ZNF609: variants seen among roughly 807,000 people sequenced by gnomAD.
ZNF609 encodes zinc finger protein 609.
A neutral mutation model predicts 109.5 loss-of-function variants in ZNF609; 11 were observed. That is an observed-to-expected ratio of 0.10 (90% CI 0.06 to 0.17). ZNF609 has a LOEUF of 0.17. ZNF609 is among the 10% of genes least tolerant of loss of function. The pLI is 1.00. For synonymous variants in ZNF609, 646 were observed against 662.0 expected (o/e 0.98, Z 0.37); for missense variants, 1,559 against 1,772.4 (o/e 0.88, Z 2.16).
At chr15:64,542,128 C>T (rs1164584970) in intron 2 of ZNF609, among the ~76,000 whole-genome samples, 1 of 152,108 alleles carries the variant, frequency 6.6e-6, no homozygotes, top group African/African-American at 2.4e-5. Flanking sequence ...CTCTCACACA[C>T]ACACACACAG....
chr15:64,500,685 C>A, intron 2 of ZNF609: 1 of 477,882 alleles, frequency 2.1e-6, no homozygotes, highest in Non-Finnish European at 3.7e-6. Flanking sequence ...CTATTGCCGG[C>A]TACCAAAGAG....
chr15:64,676,384 G>T, intron 5 of ZNF609, 128 bp downstream of exon 5: 2 of 797,628 alleles, frequency 2.5e-6, no homozygotes, highest in South Asian at 2.8e-5. Context: ...ATAATTTTAA[G>T]GATTCTTTAC....
intron 2 of ZNF609, among the ~76,000 whole-genome samples, chr15:64,581,446 C>T (rs1029816932): frequency 2.0e-5 from 3 of 151,986 alleles, no homozygotes; most frequent in Non-Finnish European, 4.4e-5. Flanking sequence ...GTCAGGCAGC[C>T]ACAAAGTTAA....
chr15:64,511,630 G>T (rs569297044), intron 2 of ZNF609, among the ~76,000 whole-genome samples: 2 of 151,868 alleles, frequency 1.3e-5, no homozygotes, highest in Admixed American at 1.3e-4. Flanking sequence ...CTTAGGGTAC[G>T]TATCAGAGTC....
At chr15:64,593,452 G>A (rs1318587456) in intron 2 of ZNF609, 16 of 645,934 alleles carry the variant, frequency 2.5e-5, no homozygotes, top group Middle Eastern at 4.1e-4. Context: ...AAATGTTCAC[G>A]ATGCAGTGAA....
intron 2 of ZNF609, among the ~76,000 whole-genome samples, chr15:64,607,733 G>A (rs926994728): frequency 6.6e-6 from 1 of 151,688 alleles, no homozygotes; most frequent in Non-Finnish European, 1.5e-5. Flanking sequence ...TTGAACTCCT[G>A]AACTTAGGTG....
chr15:64,591,289 G>A (rs760168209), intron 2 of ZNF609, among the ~76,000 whole-genome samples: 48 of 152,130 alleles, frequency 3.2e-4, no homozygotes, highest in Non-Finnish European at 5.9e-4. Flanking sequence ...TTAGCTGAGT[G>A]TGGTGGCATG....
intron 2 of ZNF609, among the ~76,000 whole-genome samples, chr15:64,539,465 C>T (rs1230431456): frequency 1.3e-5 from 2 of 151,246 alleles, no homozygotes; most frequent in Non-Finnish European, 2.9e-5. Flanking sequence ...CCTTGGCCTC[C>T]CCAAGTGCTG....
At position 64,675,389 on chromosome 15, in the gene ZNF609, C is replaced by T. The variant is rs1896793724; in HGVS notation, c.2535C>T (p.Tyr845=). The T allele has an allele frequency of 6.2e-7, 1 of 1,614,046 alleles. No individual in the cohort carries two copies. The highest frequency in any genetic ancestry group is 8.5e-7 in the Non-Finnish European group (1 of 1,180,026). The stretch of plus-strand genomic sequence containing the variant: ...CAGTCAAAACCAACAGCCCTGCATA[C>T]TCTGACATCTCTGATGCTGGGGAGG... ...ASSVKTNSPA[Y]SDISDAGEDG... The change falls in exon 5 of 10, where the codon TAC becomes TAT. Residue 845 remains tyrosine (Y), a synonymous_variant. Transcript: ENST00000326648.
intron 2 of ZNF609, among the ~76,000 whole-genome samples, chr15:64,577,877 T>G (rs1452152970): frequency 2.0e-5 from 3 of 151,386 alleles, no homozygotes; most frequent in African/African-American, 7.3e-5. Context: ...GAAAGCAGGC[T>G]TAGTGCAGTG....
chr15:64,496,832 G>A (rs541482180), intron 1 of ZNF609, among the ~76,000 whole-genome samples: 1 of 125,464 alleles, frequency 8.0e-6, no homozygotes, highest in Non-Finnish European at 1.7e-5. Flanking sequence ...TTTTTTTTTT[G>A]AGACAGCGTC....
intron 1 of ZNF609, chr15:64,470,135 C>T (rs993619255): frequency 6.6e-6 from 1 of 152,102 alleles, no homozygotes. Context: ...AGGGTCTTAC[C>T]CAGCCTTGAC....
intron 3 of ZNF609, among the ~76,000 whole-genome samples, chr15:64,623,738 C>A (rs996839034): frequency 6.6e-6 from 1 of 152,092 alleles, no homozygotes; most frequent in African/African-American, 2.4e-5. Flanking sequence ...AATTTATGAA[C>A]CTGAAAAAAT....
intron 1 of ZNF609, among the ~76,000 whole-genome samples, chr15:64,462,765 A>T (rs1892961323): frequency 1.3e-5 from 2 of 152,240 alleles, no homozygotes; most frequent in South Asian, 4.1e-4. Flanking sequence ...ATGAAAGGAC[A>T]TGAGTTGCTC....
intron 5 of ZNF609, among the ~76,000 whole-genome samples, chr15:64,676,805 A>G (rs1330933279): frequency 2.1e-5 from 3 of 144,862 alleles, no homozygotes; most frequent in Non-Finnish European, 3.0e-5. Context: ...CCAGGCTGGA[A>G]TGCACTGGCG....
At chr15:64,553,810 G>A (rs1020825891) in intron 2 of ZNF609, among the ~76,000 whole-genome samples, 1 of 152,006 alleles carries the variant, frequency 6.6e-6, no homozygotes, top group African/African-American at 2.4e-5. Flanking sequence ...ATGTTGGCCA[G>A]GAAGGTCTCG....
chr15:64,620,195 T>C (rs1055868610), intron 2 of ZNF609, among the ~76,000 whole-genome samples: 3 of 152,132 alleles, frequency 2.0e-5, no homozygotes, highest in Non-Finnish European at 4.4e-5. Flanking sequence ...ATTTCTCTTG[T>C]GAGTAGAAGA....
At chr15:64,494,438 G>A (rs1893454623) in intron 1 of ZNF609, among the ~76,000 whole-genome samples, 1 of 152,094 alleles carries the variant, frequency 6.6e-6, no homozygotes, top group African/African-American at 2.4e-5. Flanking sequence ...TTAAATATCT[G>A]TCTTTCTGTA....
At chr15:64,640,149 C>T (rs1190314490) in intron 3 of ZNF609, among the ~76,000 whole-genome samples, 1 of 149,538 alleles carries the variant, frequency 6.7e-6, no homozygotes, top group East Asian at 2.0e-4. Flanking sequence ...TGTTGATCTC[C>T]TGACCTCATG....
Sources: gnomAD v4.1 joint callset for allele counts (sites outside exome capture counted in the v4.1 genomes callset) on GRCh38, gnomAD v4.1.1 for gene constraint, MANE v1.5 for transcripts, NCBI Gene and HGNC (gene_info 2026-07-23, HGNC 2026-07-21) for gene names.